The following ARHGEF26 variants were observed in gnomAD, a reference collection of about 807,000 sequenced individuals.
ARHGEF26 encodes Rho guanine nucleotide exchange factor (GEF) 26.
ARHGEF26 carries 59 observed loss-of-function variants against 89.4 expected under a neutral mutation model. The observed-to-expected ratio is 0.66, with a 90% CI of 0.54 to 0.82. ARHGEF26 has a LOEUF of 0.82. Ranked by LOEUF, ARHGEF26 falls within the 40% of genes least tolerant of loss-of-function variation. The pLI is 0.00. For missense variants in ARHGEF26, 1,234 were observed against 1,085.6 expected, an observed-to-expected ratio of 1.14 and a Z score of -1.92; for synonymous variants, 500 against 428.4, an observed-to-expected ratio of 1.17 and a Z score of -2.06.
chr3:154,135,850 C>A lies in ARHGEF26; in HGVS notation c.1269+6131C>A, dbSNP rs150970732. On this transcript the variant is annotated intron_variant, in intron 4 of 14. Coordinates refer to ENST00000465093, the MANE Select transcript of ARHGEF26 (RefSeq NM_015595.4). ...GATTTTGACTAGAGTTTTTGCTTTT[C>A]ACTGTAAGTACCCCCTCCACCTCTC... 2.8e-3 allele frequency among the ~76,000 whole-genome samples: 422 copies of A among 152,248 alleles called. 2 individuals carry two copies. Among genetic ancestry groups the A allele is most frequent in the Non-Finnish European group, 4.4e-3 (296 of 68,006 alleles).
At chr3:154,239,623 A>G (rs959063151) in intron 11 of ARHGEF26, among the ~76,000 whole-genome samples, 1 of 152,130 alleles carries the variant, frequency 6.6e-6, no homozygotes, top group Non-Finnish European at 1.5e-5. Context: ...AGACGAGGCC[A>G]AGTATTTAGA....
rs138665421 is a variant in ARHGEF26 at position 154,145,640 on chromosome 3, C to T, written c.1270-3749C>T. 9.9e-5 allele frequency among the ~76,000 whole-genome samples: 15 copies of T among 152,274 alleles called. No individual in the cohort carries two copies. The East Asian group carries it at 2.9e-3, about 29-fold the overall frequency. On this transcript the variant is annotated intron_variant, in intron 4 of 14. Transcript: ENST00000465093. ...AAAAATAGAAGGAATGCACATTCAT[C>T]TAGAAACACTATCGAGTCATGGAGG...
intron 6 of ARHGEF26, among the ~76,000 whole-genome samples, chr3:154,172,472 A>G (rs1177089215): frequency 6.6e-6 from 1 of 152,214 alleles, no homozygotes; most frequent in Non-Finnish European, 1.5e-5. Context: ...AGGCAGGTGG[A>G]TTGCTTGAGG....
intron 7 of ARHGEF26, among the ~76,000 whole-genome samples, chr3:154,190,786 T>G (rs1473378513): frequency 6.6e-6 from 1 of 152,242 alleles, no homozygotes; most frequent in African/African-American, 2.4e-5. Flanking sequence ...GAAAAGGTTT[T>G]CTGTCTCAGA....
rs140757534 is a variant in ARHGEF26, at chr3:154,127,475, C to T, written c.1124-2099C>T. ...AATCATCAATGTCACTGTTCTCCATCTCAACATCTTGTCCCACAAGAAGGT... is the reference window on the plus strand; with the variant it reads ...AATCATCAATGTCACTGTTCTCCATTTCAACATCTTGTCCCACAAGAAGGT... On this transcript the variant is annotated intron_variant, in intron 3 of 14. Coordinates refer to ENST00000465093, the MANE Select transcript of ARHGEF26 (RefSeq NM_015595.4). Among the ~76,000 whole-genome samples the T allele has an allele frequency of 7.4e-4, 112 of 152,210 alleles. No individual in the cohort carries two copies. In the East Asian group the frequency reaches 0.017, roughly 23 times the overall value.
In ARHGEF26 at chr3:154,206,915, A is replaced by G. The variant is rs533156714; in HGVS notation, c.1846-10954A>G. 1.9e-4 allele frequency among the ~76,000 whole-genome samples: 29 copies of G among 152,288 alleles called. No homozygotes were observed. In the South Asian group the frequency reaches 5.4e-3, roughly 28 times the overall value. Reference sequence around the variant, plus strand: ...GCATGGTACTGGTACAAAAACTGACACAAAGACCAATGGAATAGATAGAGA... The same window carrying G: ...GCATGGTACTGGTACAAAAACTGACGCAAAGACCAATGGAATAGATAGAGA... On this transcript the variant is annotated intron_variant, in intron 9 of 14. Coordinates refer to ENST00000465093, the MANE Select transcript of ARHGEF26 (RefSeq NM_015595.4).
intron 11 of ARHGEF26, among the ~76,000 whole-genome samples, chr3:154,231,508 T>A (rs756381538): frequency 6.6e-6 from 1 of 152,180 alleles, no homozygotes; most frequent in Non-Finnish European, 1.5e-5. Flanking sequence ...ATAATGCACA[T>A]AAAGCTCTTA....
chr3:154,257,033 A>G lies in ARHGEF26; in HGVS notation c.*1560A>G. The G allele has an allele frequency of 6.9e-7, 1 of 1,456,394 alleles. No homozygotes were observed. The highest frequency in any genetic ancestry group is 1.4e-5 in the South Asian group (1 of 69,310). 90.2% of individuals were successfully genotyped at this position (1,456,394 alleles called of 1,614,324 possible). A position where few individuals can be genotyped will look rare whatever the true frequency, so the allele number is the denominator to read the frequency against. Reference sequence around the variant, plus strand: ...AAAGTGTACATTATTGGAGGACTCAAATCTGTATGTGACATGTCCCAACTA... The same window carrying G: ...AAAGTGTACATTATTGGAGGACTCAGATCTGTATGTGACATGTCCCAACTA... On this transcript the variant is annotated 3_prime_UTR_variant, in exon 15 of 15. Transcript: ENST00000465093.
intron 6 of ARHGEF26, among the ~76,000 whole-genome samples, chr3:154,179,981 G>T (rs1007555087): frequency 1.3e-5 from 2 of 152,152 alleles, no homozygotes; most frequent in African/African-American, 4.8e-5. Context: ...CCTTCTGGAG[G>T]CTGTAGGGGA....
chr3:154,238,638 T>C (rs1427328153), intron 11 of ARHGEF26, among the ~76,000 whole-genome samples: 3 of 152,184 alleles, frequency 2.0e-5, no homozygotes, highest in African/African-American at 7.2e-5. Flanking sequence ...TTCATTTGCA[T>C]TTATTATTAA....
Position 154,124,372 on chromosome 3 carries a change from C to CTTTTTTTTTTTTTTTTTTTTTT in ARHGEF26, c.1084-20_1084-19insTTTTTTTTTTTTTTTTTTTTTT, listed in dbSNP as rs10688646. 38 of 1,010,658 alleles carry CTTTTTTTTTTTTTTTTTTTTTT rather than the reference C, an allele frequency of 3.8e-5. 1 individual carries two copies. The highest frequency in any genetic ancestry group is 2.2e-4 in the South Asian group (12 of 53,488). 62.6% of individuals were successfully genotyped at this position (1,010,658 alleles called of 1,614,324 possible). A position where few individuals can be genotyped will look rare whatever the true frequency, so the allele number is the denominator to read the frequency against. ...CTCATTCATACATAGTTTGCTTTTC[C>CTTTTTTTTTTTTTTTTTTTTTT]TTTTTTTTTTTTTTTTTTACTTTTT... On this transcript the variant is annotated intron_variant, in intron 2 of 14. Coordinates refer to ENST00000465093, the MANE Select transcript of ARHGEF26 (RefSeq NM_015595.4).
In ARHGEF26 at chr3:154,171,709, C is replaced by T. The variant is rs146770729; in HGVS notation, c.1488-15976C>T. ...CAGGCAAGCAGGTTTGGATTTGGGC[C>T]ATTTGAAGGCTGGAGACATATTTGG... is the stretch of plus-strand genomic sequence containing the variant. On this transcript the variant is annotated intron_variant, in intron 6 of 14. Transcript: ENST00000465093. 7.9e-5 allele frequency among the ~76,000 whole-genome samples: 12 copies of T among 152,134 alleles called. No homozygotes were observed. The East Asian group carries it at 2.3e-3, about 29-fold the overall frequency.
chr3:154,227,838 G>A (rs990704033), intron 11 of ARHGEF26, among the ~76,000 whole-genome samples: 6 of 152,130 alleles, frequency 3.9e-5, no homozygotes, highest in African/African-American at 1.2e-4. Context: ...TACACTGACA[G>A]TACCAAGCCA....
chr3:154,254,699 T>C (rs1312736629), intron 13 of ARHGEF26, 21 bp from the exon 14 acceptor site: 1 of 1,601,420 alleles, frequency 6.2e-7, no homozygotes, highest in South Asian at 1.1e-5. Flanking sequence ...GGAAACTTAG[T>C]ATGTCCTCTT....
intron 6 of ARHGEF26, among the ~76,000 whole-genome samples, chr3:154,164,361 G>A (rs944162543): frequency 1.3e-5 from 2 of 151,984 alleles, no homozygotes; most frequent in Non-Finnish European, 2.9e-5. Context: ...ATTAAATCAT[G>A]TAAGCCTTGT....
At chr3:154,203,315 T>C (rs1714777712) in intron 9 of ARHGEF26, among the ~76,000 whole-genome samples, 1 of 152,208 alleles carries the variant, frequency 6.6e-6, no homozygotes, top group Non-Finnish European at 1.5e-5. Flanking sequence ...GATTTGCATA[T>C]ATTGAACCAG....
intron 11 of ARHGEF26, among the ~76,000 whole-genome samples, chr3:154,235,266 T>C (rs1179757536): frequency 2.0e-5 from 3 of 152,182 alleles, no homozygotes; most frequent in Non-Finnish European, 2.9e-5. Flanking sequence ...ATTTGGGCCT[T>C]CTTCTAAAGT....
intron 11 of ARHGEF26, among the ~76,000 whole-genome samples, chr3:154,239,291 A>T (rs1043684134): frequency 0.049 from 2,981 of 61,160 alleles, 45 homozygotes; most frequent in East Asian, 0.15. Context: ...AGAGAGAGAG[A>T]GAGAGAGAGT....
At chr3:154,200,434 C>T (rs1289473158) in intron 9 of ARHGEF26, among the ~76,000 whole-genome samples, 2 of 151,982 alleles carry the variant, frequency 1.3e-5, no homozygotes, top group Admixed American at 1.3e-4. Context: ...TGTTTTTATG[C>T]CAGTACCATG....
Sources: gnomAD v4.1 joint callset for allele counts (sites outside exome capture counted in the v4.1 genomes callset) on GRCh38, gnomAD v4.1.1 for gene constraint, MANE v1.5 for transcripts, NCBI Gene and HGNC (gene_info 2026-07-23, HGNC 2026-07-21) for gene names.